The following SLC12A6 variants were observed in gnomAD, a reference collection of about 807,000 sequenced individuals.
SLC12A6 encodes solute carrier family 12 member 6, also known as K-Cl cotransporter 3.
SLC12A6 carries 66 observed loss-of-function variants against 135.3 expected under a neutral mutation model. The observed-to-expected ratio is 0.49, with a 90% CI of 0.40 to 0.60. SLC12A6 has a LOEUF of 0.60. SLC12A6 is among the 20% of genes least tolerant of loss of function. The probability of loss-of-function intolerance (pLI) is 0.00; values close to 1 mark genes in which losing one functional copy is unlikely to be tolerated. For synonymous variants in SLC12A6, 513 were observed against 508.8 expected (o/e 1.01, Z -0.11); for missense variants, 1,058 against 1,452.3 (o/e 0.73, Z 4.41).
intron 2 of SLC12A6, chr15:34,318,692 T>A (rs773862027): frequency 6.2e-7 from 1 of 1,613,532 alleles, no homozygotes; most frequent in Non-Finnish European, 8.5e-7. Context: ...TATAGTTAGA[T>A]AATACTTTGC....
chr15:34,236,555 G>A (rs1486453626), intron 23 of SLC12A6, among the ~76,000 whole-genome samples, 153 bp downstream of exon 23: 1 of 152,088 alleles, frequency 6.6e-6, no homozygotes, highest in Non-Finnish European at 1.5e-5. Flanking sequence ...TCTTGGCCAG[G>A]CTGGTCTTGA....
intron 2 of SLC12A6, among the ~76,000 whole-genome samples, chr15:34,303,260 T>C (rs1246138243): frequency 6.6e-6 from 1 of 152,220 alleles, no homozygotes; most frequent in Non-Finnish European, 1.5e-5. Context: ...AACTGCTTAA[T>C]GTAGGCTGAA....
chr15:34,245,301 C>T lies in SLC12A6; in HGVS notation c.1927G>A (p.Ala643Thr). The T allele has an allele frequency of 6.3e-7, 1 of 1,583,414 alleles. No homozygotes were observed. The highest frequency in any genetic ancestry group is 1.3e-5 in the African/African-American group (1 of 74,428). Residue 643 changes from alanine (A) to threonine (T), a missense_variant, in exon 15 of 26, where the codon GCC (alanine) becomes ACC (threonine). Ala to Thr is a moderately conservative substitution (Grantham distance 58, BLOSUM62 0). Around this residue, in one of 6 missense-constraint regions of SLC12A6, gnomAD observed 170 missense variants for 297.6 expected, o/e 0.57. Transcript: ENST00000354181. ...GILIASLDLV[A>T]PILSMFFLMC... ...GGCTCTTACATGGAAAGAATTGGGG[C>T]CACAAGATCCAGGGAGGCAATGAGT...
intron 2 of SLC12A6, among the ~76,000 whole-genome samples, chr15:34,312,418 C>T (rs1224815929): frequency 6.6e-6 from 1 of 152,066 alleles, no homozygotes; most frequent in Non-Finnish European, 1.5e-5. Context: ...TACCTTAGGA[C>T]CTGGAGATAC....
chr15:34,315,854 C>T (rs1422530243), intron 2 of SLC12A6, among the ~76,000 whole-genome samples: 2 of 150,382 alleles, frequency 1.3e-5, no homozygotes, highest in Non-Finnish European at 3.0e-5. Flanking sequence ...TGGCATGTGC[C>T]TGTAGTCCCA....
chr15:34,280,974 G>C (rs1378496172), intron 2 of SLC12A6, among the ~76,000 whole-genome samples: 1 of 151,112 alleles, frequency 6.6e-6, no homozygotes, highest in Middle Eastern at 3.2e-3. Flanking sequence ...GTGAGAGTCA[G>C]AAAAAAAAAG....
chr15:34,234,384 T>C lies in SLC12A6; in HGVS notation c.3362-412A>G, dbSNP rs139486505. On this transcript the variant is annotated intron_variant, in intron 25 of 25. Coordinates refer to ENST00000354181, the MANE Select transcript of SLC12A6 (RefSeq NM_001365088.1). ...TTAAACCTTTTTCTTTTCTTTCTTT[T>C]TTTTTTGAGACAGAATTTCCTCTTG... Among the ~76,000 whole-genome samples the C allele has an allele frequency of 5.3e-4, 80 of 152,258 alleles. 2 individuals carry two copies. The East Asian group carries it at 0.012, about 22-fold the overall frequency.
At chr15:34,296,204 T>C (rs1252825580) in intron 2 of SLC12A6, among the ~76,000 whole-genome samples, 7 of 152,206 alleles carry the variant, frequency 4.6e-5, no homozygotes, top group African/African-American at 1.7e-4. Flanking sequence ...GCATAAGATA[T>C]TTCCTGACAT....
At position 34,238,892 on chromosome 15, in the gene SLC12A6, G is replaced by C. The variant is rs1252602943; in HGVS notation, c.2632+73C>G. ...AATGGCATAGTCTCTACTTTAGGAG[G>C]CTGGGGGTGACAGAGATTTAACTAT... On this transcript the variant is annotated intron_variant, in intron 20 of 25. Coordinates refer to ENST00000354181, the MANE Select transcript of SLC12A6 (RefSeq NM_001365088.1). The C allele has an allele frequency of 3.1e-6, 4 of 1,283,754 alleles. No individual in the cohort carries two copies. The Admixed American group carries it at 6.7e-5, about 22-fold the overall frequency. 79.5% of individuals were successfully genotyped at this position (1,283,754 alleles called of 1,614,324 possible).
intron 3 of SLC12A6, among the ~76,000 whole-genome samples, chr15:34,265,743 T>C (rs1042552327): frequency 2.0e-5 from 3 of 152,232 alleles, no homozygotes; most frequent in Non-Finnish European, 2.9e-5. Context: ...AGCACACTCC[T>C]GGCATAGGAT....
chr15:34,321,495 T>G (rs1595570277), intron 2 of SLC12A6, among the ~76,000 whole-genome samples: 2 of 152,098 alleles, frequency 1.3e-5, no homozygotes, highest in South Asian at 4.1e-4. Context: ...AACACCAAAT[T>G]TGGCAAGACT....
Position 34,333,287 on chromosome 15 carries a change from C to T in SLC12A6, c.271+3123G>A, listed in dbSNP as rs1346455006. On this transcript the variant is annotated intron_variant, in intron 2 of 25. Transcript: ENST00000354181. ...CTCTGTCACCCAGGCTGGAGTGCAG[C>T]GGCGTGATCTCAGCTCACTGCAACC... 2.7e-5 allele frequency among the ~76,000 whole-genome samples: 4 copies of T among 147,204 alleles called. No homozygotes were observed. In the South Asian group the frequency reaches 8.5e-4, roughly 31 times the overall value.
chr15:34,323,605 C>A (rs1474700293), intron 2 of SLC12A6, among the ~76,000 whole-genome samples: 1 of 152,210 alleles, frequency 6.6e-6, no homozygotes, highest in Non-Finnish European at 1.5e-5. Context: ...GAAAAACTGT[C>A]TTCCATGAAA....
At chr15:34,244,222 C>T (rs1595416144) in intron 15 of SLC12A6, 150 bp from the exon 16 acceptor site, 1 of 666,322 alleles carries the variant, frequency 1.5e-6, no homozygotes, top group East Asian at 2.7e-5. Context: ...CCTCTCCCCA[C>T]AAAACTGTTC....
intron 17 of SLC12A6, among the ~76,000 whole-genome samples, 174 bp from the exon 18 acceptor site, chr15:34,241,511 A>G (rs1255087631): frequency 2.0e-5 from 3 of 152,232 alleles, no homozygotes; most frequent in Non-Finnish European, 4.4e-5. Context: ...ATGTAGGTAG[A>G]TCAACAGCAC....
intron 2 of SLC12A6, among the ~76,000 whole-genome samples, chr15:34,289,337 C>T (rs1160429847): frequency 1.3e-5 from 2 of 152,194 alleles, no homozygotes; most frequent in East Asian, 1.9e-4. Flanking sequence ...ACGAAGCCCA[C>T]GTGCTCATGG....
chr15:34,316,859 CAAATG>C (rs1888687420), intron 2 of SLC12A6, among the ~76,000 whole-genome samples: 2 of 152,032 alleles, frequency 1.3e-5, no homozygotes, highest in African/African-American at 4.8e-5. Context: ...ATTTAAAAAA[CAAATG>C]AAATGAGGTA....
intron 2 of SLC12A6, among the ~76,000 whole-genome samples, chr15:34,284,277 C>CTTTTTTTT (rs71415558): frequency 9.7e-5 from 9 of 92,488 alleles, no homozygotes; most frequent in East Asian, 3.6e-4. Context: ...TGTTTCTTTT[C>CTTTTTTTT]TTTTTTTTTT....
intron 2 of SLC12A6, among the ~76,000 whole-genome samples, chr15:34,327,213 A>G (rs1446622625): frequency 2.0e-5 from 3 of 152,160 alleles, no homozygotes; most frequent in Non-Finnish European, 4.4e-5. Flanking sequence ...ACCTCATCTA[A>G]TAGGGAAGAA....
Sources: gnomAD v4.1 joint callset for allele counts (sites outside exome capture counted in the v4.1 genomes callset) on GRCh38, gnomAD v4.1.1 for gene constraint, gnomAD v4.1.1 regional missense constraint, MANE v1.5 for transcripts, NCBI Gene and HGNC (gene_info 2026-07-23, HGNC 2026-07-21) for gene names.